ALG12: variants seen among roughly 807,000 people sequenced by gnomAD.
The protein encoded by ALG12 is ALG12 alpha-1,6-mannosyltransferase, also known as dol-P-Man:Man(7)GlcNAc(2)-PP-Dol alpha-1,6-mannosyltransferase.
In ALG12, 36 loss-of-function variants were observed where a neutral mutation model predicts 46.0. That is an observed-to-expected ratio of 0.78 (90% CI 0.60 to 1.03). ALG12 has a LOEUF of 1.03. ALG12 is among the 50% of genes least tolerant of loss of function. ALG12 has a pLI of 0.00. For missense variants in ALG12, 599 were observed against 633.5 expected (o/e 0.95, Z 0.58); for synonymous variants, 326 against 291.6 (o/e 1.12, Z -1.20).
intron 1 of ALG12, 98 bp from the exon 2 acceptor site, chr22:49,913,941 T>C (rs1052631675): frequency 5.4e-6 from 4 of 744,824 alleles, no homozygotes; most frequent in Admixed American, 2.4e-5. Flanking sequence ...TCTGAACTAC[T>C]GTCTTAGTCG....
the ALG12 span, among the ~76,000 whole-genome samples, chr22:49,878,256 C>T: frequency 7.7e-5 from 11 of 143,286 alleles, 1 homozygote; most frequent in Admixed American, 1.5e-4. Context: ...AGTGAGCCAA[C>T]GCACCACTGC....
downstream of ALG12, among the ~76,000 whole-genome samples, chr22:49,899,094 A>T (rs897612760): frequency 6.6e-6 from 1 of 152,202 alleles, no homozygotes; most frequent in Non-Finnish European, 1.5e-5. Context: ...GTTTGAGACT[A>T]GCCTAGGCAA....
chr22:49,907,804 G>A lies in ALG12; in HGVS notation c.909C>T (p.Ser303=), dbSNP rs768723868. 4.3e-6 allele frequency: 7 copies of A among 1,614,028 alleles called. No individual in the cohort carries two copies. Among genetic ancestry groups the A allele is most frequent in the Admixed American group, 3.3e-5 (2 of 60,000 alleles). The change falls in exon 7 of 10, where the codon TCC becomes TCT. Residue 303 remains serine, a synonymous_variant. Coordinates refer to ENST00000330817, the MANE Select transcript of ALG12 (RefSeq NM_024105.4). Reference sequence around the variant, plus strand: ...AGCGTAGCTCCTTGTGTGGCAGGAGGGAGTAGAGTGCCATGAAGCCCAGTG... The same window carrying A: ...AGCGTAGCTCCTTGTGTGGCAGGAGAGAGTAGAGTGCCATGAAGCCCAGTG... The part of the protein sequence containing the change: ...VLALGFMALY[S]LLPHKELRFI...
the ALG12 span, chr22:49,883,584 C>T: frequency 1.7e-5 from 24 of 1,432,046 alleles, no homozygotes; most frequent in Middle Eastern, 2.3e-4. Context: ...TGAAGATAAT[C>T]TACATTCGGG....
rs1201704923 is a variant in ALG12, at chr22:49,902,003, GTATGCATGGTAA to G, written c.*1823_*1834del. On this transcript the variant is annotated 3_prime_UTR_variant, in exon 10 of 10. Transcript: ENST00000330817. ...CATGGTGTGTGCACGTGTGCACTGT[GTATGCATGGTAA>G]TGTGCACGCGTGCACTGTGTGTATG... is the stretch of plus-strand genomic sequence containing the variant. The G allele has an allele frequency of 6.8e-6, 1 of 147,432 alleles. No individual in the cohort carries two copies. Among genetic ancestry groups the G allele is most frequent in the Non-Finnish European group, 1.5e-5 (1 of 67,032 alleles). 9.1% of individuals were successfully genotyped at this position (147,432 alleles called of 1,614,324 possible). A position where few individuals can be genotyped will look rare whatever the true frequency, so the allele number is the denominator to read the frequency against.
rs371563688 is a variant in ALG12 at position 49,910,132 on chromosome 22, A to G, written c.470-44T>C. On this transcript the variant is annotated intron_variant, in intron 4 of 9. Transcript: ENST00000330817. ...GGGTGCTCGTCAAGACACAGGGCCC[A>G]CCCGGCCCAGAAAACACCCGGGGAA... 308 of 1,553,320 alleles carry G rather than the reference A, an allele frequency of 2.0e-4. 1 individual carries two copies. The highest frequency in any genetic ancestry group is 3.9e-5 in the Non-Finnish European group (45 of 1,147,408).
chr22:49,912,585 A>C (rs985906381), intron 3 of ALG12, among the ~76,000 whole-genome samples: 3 of 152,188 alleles, frequency 2.0e-5, no homozygotes, highest in African/African-American at 7.2e-5. Flanking sequence ...CTCCTTCCCC[A>C]GGAACGTGCT....
the ALG12 span, chr22:49,885,764 C>G: frequency 6.2e-7 from 1 of 1,605,520 alleles, no homozygotes; most frequent in Non-Finnish European, 8.5e-7. Context: ...TCCTACTTCT[C>G]CAGGACAGCT....
At chr22:49,896,260 C>T (rs1487510964), downstream of ALG12, among the ~76,000 whole-genome samples, 1 of 152,252 alleles carries the variant, frequency 6.6e-6, no homozygotes, top group African/African-American at 2.4e-5. Context: ...TGCTCAGGAA[C>T]GTCTGTGGCT....
At chr22:49,870,023 A>G in the ALG12 span, among the ~76,000 whole-genome samples, 2 of 152,136 alleles carry the variant, frequency 1.3e-5, no homozygotes, top group Admixed American at 1.3e-4. Context: ...TCTCATCTTT[A>G]TGTCCCTGTG....
the ALG12 span, among the ~76,000 whole-genome samples, chr22:49,869,556 C>T: frequency 6.6e-6 from 1 of 152,178 alleles, no homozygotes; most frequent in South Asian, 2.1e-4. Context: ...TGGTTTGGCT[C>T]TCATTTTTCA....
At chr22:49,875,394 C>A in the ALG12 span, among the ~76,000 whole-genome samples, 1 of 149,110 alleles carries the variant, frequency 6.7e-6, no homozygotes, top group Non-Finnish European at 1.5e-5. Flanking sequence ...TTGTCCATTT[C>A]ATCTGAGTTG....
Position 49,904,023 on chromosome 22 carries a change from C to T in ALG12, c.1282G>A (p.Ala428Thr), listed in dbSNP as rs1273589138. Residue 428 changes from alanine (A) to threonine (T), a missense_variant, in exon 10 of 10, where the codon GCA becomes ACA. By Grantham distance (58) the Ala-to-Thr change is moderately conservative (BLOSUM62 0). Coordinates refer to ENST00000330817, the MANE Select transcript of ALG12 (RefSeq NM_024105.4). ...GCCTCCATGAGGATGTGTGTGTATG[C>T]CAGCATGCCTGTCCCCGGCTGCACA... ...EDVQPGTGMLAYTHILMEAAP... is the reference protein window; with the variant it reads ...EDVQPGTGMLTYTHILMEAAP... 1 of 1,614,168 alleles carries T rather than the reference C, an allele frequency of 6.2e-7. No homozygotes were observed. The highest frequency in any genetic ancestry group is 8.5e-7 in the Non-Finnish European group (1 of 1,180,004).
rs766047092 is a variant in ALG12, at chr22:49,910,087, G to T, written c.471C>A (p.Val157=). Residue 157 remains valine, a splice_region_variant and synonymous_variant, in exon 5 of 10, where the codon GTC becomes GTA. Transcript: ENST00000330817. ...GCAGCCAGGCCGCGAGGGCCAGCAG[G>T]ACTGCAAGACAGTGCGGGAGGGTGC... ...TLPNVLALPV[V]LLALAAWLRH... 12 of 1,605,234 alleles carry T rather than the reference G, an allele frequency of 7.5e-6. 1 individual carries two copies. Among genetic ancestry groups the T allele is most frequent in the Middle Eastern group, 1.7e-4 (1 of 6,052 alleles).
At chr22:49,881,064 G>C in the ALG12 span, among the ~76,000 whole-genome samples, 3 of 152,174 alleles carry the variant, frequency 2.0e-5, no homozygotes, top group Non-Finnish European at 4.4e-5. Context: ...TTCATTTTCT[G>C]GCCAGGCGCA....
the ALG12 span, among the ~76,000 whole-genome samples, chr22:49,873,784 G>T: frequency 6.6e-6 from 1 of 152,204 alleles, no homozygotes; most frequent in Admixed American, 6.5e-5. Context: ...CCTAGAATGA[G>T]ATGTCTGTTT....
At chr22:49,895,662 A>T (rs561358945), downstream of ALG12, among the ~76,000 whole-genome samples, 205 of 152,248 alleles carry the variant, frequency 1.3e-3, no homozygotes, top group African/African-American at 4.4e-3. Flanking sequence ...AAAAATAAAA[A>T]AAAAAAAAAA....
At position 49,900,402 on chromosome 22, in the gene ALG12, G is replaced by T. The variant is rs2060499120; in HGVS notation, c.*3436C>A. 1 of 152,224 alleles carries T rather than the reference G, an allele frequency of 6.6e-6. No individual in the cohort carries two copies. Among genetic ancestry groups the T allele is most frequent in the African/African-American group, 2.4e-5 (1 of 41,430 alleles). 9.4% of individuals were successfully genotyped at this position (152,224 alleles called of 1,614,324 possible). On this transcript the variant is annotated 3_prime_UTR_variant, in exon 10 of 10. Coordinates refer to ENST00000330817, the MANE Select transcript of ALG12 (RefSeq NM_024105.4). The stretch of plus-strand genomic sequence containing the variant: ...ATGGTCACACTCTACAAACCTAACA[G>T]GATGGGGGTGTGGGGTATGGTGGGA...
chr22:49,900,078 G>A (rs2060497720), downstream of ALG12, among the ~76,000 whole-genome samples: 1 of 152,106 alleles, frequency 6.6e-6, no homozygotes. Flanking sequence ...GTGGGAGGAA[G>A]GCTTAAGCCC....
Sources: allele counts gnomAD v4.1 joint callset (sites outside exome capture counted in the v4.1 genomes callset), GRCh38; gene constraint gnomAD v4.1.1; transcripts MANE v1.5; gene names NCBI Gene and HGNC (gene_info 2026-07-23, HGNC 2026-07-21).